Variants in DQX1 observed in about 807,000 individuals in gnomAD.
DQX1 encodes the protein DEAQ-box RNA dependent ATPase 1, also known as ATP-dependent RNA helicase homolog DQX1.
Under a neutral mutation model 81.3 loss-of-function variants are expected in DQX1, and 66 were observed. The ratio of observed to expected loss-of-function variants is 0.81; its 90% confidence interval spans 0.67 to 1.00. The LOEUF (loss-of-function observed/expected upper bound fraction) is 1.00, where lower values mean the gene tolerates loss of function less well. Ranked by LOEUF, DQX1 falls within the 50% of genes least tolerant of loss-of-function variation. DQX1 has a pLI of 0.00. For missense variants in DQX1, 798 were observed against 867.9 expected, an observed-to-expected ratio of 0.92 and a Z score of 1.01; for synonymous variants, 290 against 350.0, an observed-to-expected ratio of 0.83 and a Z score of 1.91.
Position 74,518,395 on chromosome 2 carries a change from G to A in DQX1, c.*51C>T. 6.3e-7 allele frequency: 1 copy of A among 1,596,748 alleles called. No homozygotes were observed. Among genetic ancestry groups the A allele is most frequent in the Non-Finnish European group, 8.6e-7 (1 of 1,168,132 alleles). On this transcript the variant is annotated 3_prime_UTR_variant, in exon 12 of 12. Transcript: ENST00000404568. ...TGGGTGCTTTGGTGTCACCCTGAGGGATAATCTAATGTGATGAGATGAACC... is the reference window on the plus strand; with the variant it reads ...TGGGTGCTTTGGTGTCACCCTGAGGAATAATCTAATGTGATGAGATGAACC...
In DQX1 at chr2:74,518,238, A is replaced by T; in HGVS notation, c.*208T>A. 1 of 529,244 alleles carries T rather than the reference A, an allele frequency of 1.9e-6. No homozygotes were observed. Among genetic ancestry groups the T allele is most frequent in the Non-Finnish European group, 3.2e-6 (1 of 307,962 alleles). The allele number at this position is 529,244 out of a possible 1,614,324, so 32.8% of individuals were successfully genotyped here. A position where few individuals can be genotyped will look rare whatever the true frequency, so the allele number is the denominator to read the frequency against. ...CAGTCCCTCTCCAATCAATAAGAGA[A>T]GGCTAAGGAAAGAGTCCTTCCCTAT... On this transcript the variant is annotated 3_prime_UTR_variant, in exon 12 of 12. Coordinates refer to ENST00000404568, the MANE Select transcript of DQX1 (RefSeq NM_133637.3).
At position 74,523,864 on chromosome 2, in the gene DQX1, T is replaced by C; in HGVS notation, c.816+59A>G. The C allele has an allele frequency of 2.0e-6, 3 of 1,471,800 alleles. No homozygotes were observed. The African/African-American group carries it at 4.3e-5, about 21-fold the overall frequency. The allele number at this position is 1,471,800 out of a possible 1,614,324, so 91.2% of individuals were successfully genotyped here. ...CTCAGGACTGGAAGATGATGATGAGTACCTCCTTTTGCAGGCTCATTTTGC... is the reference window on the plus strand; with the variant it reads ...CTCAGGACTGGAAGATGATGATGAGCACCTCCTTTTGCAGGCTCATTTTGC... On this transcript the variant is annotated intron_variant, in intron 4 of 11. Coordinates refer to ENST00000404568, the MANE Select transcript of DQX1 (RefSeq NM_133637.3).
In DQX1 at chr2:74,525,251, C is replaced by T. The variant is rs1675143032; in HGVS notation, c.238-49G>A. 2 of 1,469,940 alleles carry T rather than the reference C, an allele frequency of 1.4e-6. No homozygotes were observed. The highest frequency in any genetic ancestry group is 1.8e-4 in the Middle Eastern group (1 of 5,606). 91.1% of individuals were successfully genotyped at this position (1,469,940 alleles called of 1,614,324 possible). On this transcript the variant is annotated intron_variant, in intron 2 of 11. Transcript: ENST00000404568. The surrounding 1 kb of genome is among the most constrained non-coding windows in gnomAD (Gnocchi z 4.1). ...AGCCAGTGAGGAAGATGTAGGACTTCAGTCAGAAGTGCTCAGGGAACTATG... is the reference window on the plus strand; with the variant it reads ...AGCCAGTGAGGAAGATGTAGGACTTTAGTCAGAAGTGCTCAGGGAACTATG...
At position 74,520,472 on chromosome 2, in the gene DQX1, T is replaced by C. The variant is rs62147437; in HGVS notation, c.1496-438A>G. On this transcript the variant is annotated intron_variant, in intron 8 of 11. Transcript: ENST00000404568. Reference sequence around the variant, plus strand: ...TAGACTGTGGCAACAGCATGGCACGTAAGTTAATAATATAGCATATTTGGG... The same window carrying C: ...TAGACTGTGGCAACAGCATGGCACGCAAGTTAATAATATAGCATATTTGGG... Among the ~76,000 whole-genome samples, 677 of 152,292 alleles carry C rather than the reference T, an allele frequency of 4.4e-3. 3 individuals are homozygous for C. Among genetic ancestry groups the C allele is most frequent in the Non-Finnish European group, 6.7e-3 (458 of 68,036 alleles).
chr2:74,519,638 A>G lies in DQX1; in HGVS notation c.1724T>C (p.Leu575Pro). 1.9e-6 allele frequency: 3 copies of G among 1,614,204 alleles called. No homozygotes were observed. The highest frequency in any genetic ancestry group is 2.5e-6 in the Non-Finnish European group (3 of 1,180,038). The change falls in exon 10 of 12, where the codon CTT (leucine) becomes CCT (proline). Residue 575 changes from leucine to proline, a missense_variant. Transcript: ENST00000404568. ...GCCAAAGGCTGGTAGGGACAAGGGA[A>G]GTTCAATTCGTTGCATGAGTTCTAG... ...ELLELMQRIE[L>P]PLSLPAFGSE...
At chr2:74,522,199 G>T (rs1180819007) in intron 8 of DQX1, among the ~76,000 whole-genome samples, 5 of 152,198 alleles carry the variant, frequency 3.3e-5, no homozygotes, top group African/African-American at 1.2e-4. Flanking sequence ...TAGGTACCTG[G>T]AAGGTCACTG....
intron 11 of DQX1, 109 bp downstream of exon 11, chr2:74,518,931 G>T: frequency 1.7e-6 from 2 of 1,178,260 alleles, no homozygotes; most frequent in Non-Finnish European, 2.4e-6. Context: ...CTCAGATCAT[G>T]TTTTTACTAA....
rs767237278 is a variant in DQX1, at chr2:74,518,607, T to C, written c.1998-5A>G. 2 of 1,613,790 alleles carry C rather than the reference T, an allele frequency of 1.2e-6. No homozygotes were observed. Among genetic ancestry groups the C allele is most frequent in the South Asian group, 1.1e-5 (1 of 91,054 alleles). On this transcript the variant is annotated splice_region_variant and splice_polypyrimidine_tract_variant and intron_variant, in intron 11 of 11. Coordinates refer to ENST00000404568, the MANE Select transcript of DQX1 (RefSeq NM_133637.3). ...GGAGGGGCCAATTCCACCAGCCTAATAGAGAGAGTCATAATTAGATGATCT... is the reference window on the plus strand; with the variant it reads ...GGAGGGGCCAATTCCACCAGCCTAACAGAGAGAGTCATAATTAGATGATCT...
chr2:74,523,228 G>T lies in DQX1; in HGVS notation c.1045-10C>A. The stretch of plus-strand genomic sequence containing the variant: ...TCCTAGGATTGTAAACCTGTTGCCC[G>T]TCCCCCAACCAAGGCCAAGACAGAT... On this transcript the variant is annotated splice_polypyrimidine_tract_variant and intron_variant, in intron 5 of 11. Transcript: ENST00000404568. The T allele has an allele frequency of 6.2e-7, 1 of 1,614,064 alleles. No individual in the cohort carries two copies. Among genetic ancestry groups the T allele is most frequent in the South Asian group, 1.1e-5 (1 of 91,076 alleles).
In DQX1 at chr2:74,524,175, A is replaced by T; in HGVS notation, c.564T>A (p.Asp188Glu). ...ASDSLQGLLQDARLEKLPGDL... is the reference protein window; with the variant it reads ...ASDSLQGLLQEARLEKLPGDL... Reference sequence around the variant, plus strand: ...CCCCCGGAAGTTTTTCCAGCCTGGCATCTTGCAGTAGCCCCTGGAGTGAAT... The same window carrying T: ...CCCCCGGAAGTTTTTCCAGCCTGGCTTCTTGCAGTAGCCCCTGGAGTGAAT... Residue 188 changes from aspartate to glutamate, a missense_variant, in exon 4 of 12, where the codon GAT becomes GAA. By Grantham distance (45) the Asp-to-Glu change is conservative. Coordinates refer to ENST00000404568, the MANE Select transcript of DQX1 (RefSeq NM_133637.3). The T allele has an allele frequency of 6.2e-7, 1 of 1,614,148 alleles. No homozygotes were observed. The highest frequency in any genetic ancestry group is 1.6e-4 in the Middle Eastern group (1 of 6,062).
At chr2:74,519,842 A>T (rs2104334410) in intron 9 of DQX1, 73 bp downstream of exon 9, 1 of 1,602,434 alleles carries the variant, frequency 6.2e-7, no homozygotes, top group Non-Finnish European at 8.5e-7. Flanking sequence ...GAGCATAGAG[A>T]TCTGTCAGCT....
chr2:74,524,212 G>A lies in DQX1; in HGVS notation c.527C>T (p.Ser176Leu), dbSNP rs982981457. The change falls in exon 4 of 12, where the codon TCG becomes TTG. Residue 176 changes from serine (S) to leucine (L), a missense_variant. Ser to Leu is a moderately radical substitution (Grantham distance 145). Transcript: ENST00000404568. Reference sequence around the variant, plus strand: ...CCCCTGGAGTGAATCTGATGCCACCGACCGCTCCTGAGCCTCATCTAGTAC... The same window carrying A: ...CCCCTGGAGTGAATCTGATGCCACCAACCGCTCCTGAGCCTCATCTAGTAC... ...VLVLDEAQER[S>L]VASDSLQGLL... 5 of 1,613,908 alleles carry A rather than the reference G, an allele frequency of 3.1e-6. No homozygotes were observed. Among genetic ancestry groups the A allele is most frequent in the South Asian group, 1.1e-5 (1 of 91,064 alleles).
intron 8 of DQX1, among the ~76,000 whole-genome samples, chr2:74,521,768 T>TCTCCCTCTCTCCCC (rs1675033301): frequency 1.7e-5 from 2 of 119,458 alleles, no homozygotes; most frequent in African/African-American, 8.6e-5. Context: ...TCCCTCTCCC[T>TCTCCCTCTCTCCCC]CTCTCCCCCT....
chr2:74,518,187 CA>C lies in DQX1; in HGVS notation c.*258del, dbSNP rs765327126. Reference sequence around the variant, plus strand: ...CAAGGGAGTACAAGAATGGGTTTGGCAAAGTTAAGAGAATGAGGAGCATGTC... The same window carrying C: ...CAAGGGAGTACAAGAATGGGTTTGGCAAGTTAAGAGAATGAGGAGCATGTC... On this transcript the variant is annotated 3_prime_UTR_variant, in exon 12 of 12. Coordinates refer to ENST00000404568, the MANE Select transcript of DQX1 (RefSeq NM_133637.3). 9.7e-6 allele frequency: 4 copies of C among 411,616 alleles called. No homozygotes were observed. The highest frequency in any genetic ancestry group is 2.0e-5 in the African/African-American group (1 of 50,028). The allele number at this position is 411,616 out of a possible 1,614,324, so 25.5% of individuals were successfully genotyped here.
At chr2:74,523,283 C>T (rs1264648399) in intron 5 of DQX1, 27 bp downstream of exon 5, 1 of 1,614,002 alleles carries the variant, frequency 6.2e-7, no homozygotes, top group Non-Finnish European at 8.5e-7. Flanking sequence ...CTTTACTACC[C>T]CACCGCTATC....
At position 74,524,192 on chromosome 2, in the gene DQX1, G is replaced by T; in HGVS notation, c.547C>A (p.Gln183Lys). Reference sequence around the variant, plus strand: ...AGCCTGGCATCTTGCAGTAGCCCCTGGAGTGAATCTGATGCCACCGACCGC... The same window carrying T: ...AGCCTGGCATCTTGCAGTAGCCCCTTGAGTGAATCTGATGCCACCGACCGC... ...QERSVASDSLQGLLQDARLEK... is the reference protein window; with the variant it reads ...QERSVASDSLKGLLQDARLEK... The change falls in exon 4 of 12, where the codon CAG (glutamine) becomes AAG (lysine). Residue 183 changes from glutamine to lysine, a missense_variant. Physicochemically the swap from Gln to Lys is moderately conservative, Grantham distance 53 (BLOSUM62 1). Coordinates refer to ENST00000404568, the MANE Select transcript of DQX1 (RefSeq NM_133637.3). 1 of 1,614,142 alleles carries T rather than the reference G, an allele frequency of 6.2e-7. No individual in the cohort carries two copies. Among genetic ancestry groups the T allele is most frequent in the Non-Finnish European group, 8.5e-7 (1 of 1,180,018 alleles).
At chr2:74,521,789 C>T (rs1466566317) in intron 8 of DQX1, among the ~76,000 whole-genome samples, 1 of 143,866 alleles carries the variant, frequency 7.0e-6, no homozygotes, top group African/African-American at 2.8e-5. Flanking sequence ...CTTTCCCTCT[C>T]CCTCTCTCCC....
rs182067647 is a variant in DQX1, at chr2:74,521,989, T to C, written c.1495+591A>G. On this transcript the variant is annotated intron_variant, in intron 8 of 11. Coordinates refer to ENST00000404568, the MANE Select transcript of DQX1 (RefSeq NM_133637.3). ...GACAAAAGAGGCAAGAATAGAACCC[T>C]GAGGACCAATTTACAATGGATAAGA... Among the ~76,000 whole-genome samples the C allele has an allele frequency of 2.2e-4, 34 of 152,210 alleles. 1 individual carries two copies. The East Asian group carries it at 6.2e-3, about 28-fold the overall frequency.
intron 4 of DQX1, 120 bp downstream of exon 4, chr2:74,523,803 T>G (rs1675102078): frequency 7.2e-7 from 1 of 1,381,546 alleles, no homozygotes. Flanking sequence ...ACTGCAACTC[T>G]ACTGTTCCTA....
Sources: allele counts gnomAD v4.1 joint callset (sites outside exome capture counted in the v4.1 genomes callset), GRCh38; gene constraint gnomAD v4.1.1; non-coding constraint Gnocchi (gnomAD v3.1); transcripts MANE v1.5; gene names NCBI Gene and HGNC (gene_info 2026-07-23, HGNC 2026-07-21).